The following TCF7L2 variants were observed in gnomAD, a reference collection of about 807,000 sequenced individuals.
TCF7L2 encodes the protein transcription factor 7-like 2.
A neutral mutation model predicts 77.9 loss-of-function variants in TCF7L2; 23 were observed. That is an observed-to-expected ratio of 0.30 (90% CI 0.21 to 0.42). The LOEUF is 0.42. Among genes scored for constraint, TCF7L2 ranks in the 10% least tolerant of loss-of-function variants. The pLI is 1.00. For synonymous variants in TCF7L2, 413 were observed against 340.2 expected, an observed-to-expected ratio of 1.21 and a Z score of -2.36; for missense variants, 654 against 793.1, an observed-to-expected ratio of 0.82 and a Z score of 2.11.
intron 4 of TCF7L2, among the ~76,000 whole-genome samples, chr10:112,972,888 T>C (rs1165018122): frequency 2.6e-5 from 4 of 152,236 alleles, no homozygotes; most frequent in African/African-American, 7.2e-5. Context: ...ACCTGAGATA[T>C]TTTGCCCAAG....
intron 5 of TCF7L2, among the ~76,000 whole-genome samples, chr10:113,050,482 A>G (rs2054232964): frequency 6.6e-6 from 1 of 152,114 alleles, no homozygotes; most frequent in South Asian, 2.1e-4. Flanking sequence ...GTTTCCCCCT[A>G]GCCCTTTCAG....
intron 5 of TCF7L2, among the ~76,000 whole-genome samples, chr10:113,073,503 CAAAAAAAAA>C (rs35730806): frequency 9.1e-5 from 4 of 43,966 alleles, no homozygotes; most frequent in Admixed American, 3.0e-4. Context: ...CGGTCTCTAC[CAAAAAAAAA>C]AAAAAAAAAA....
At position 113,165,872 on chromosome 10, in the gene TCF7L2, C is replaced by T. The variant is rs771172533; in HGVS notation, c.1709C>T (p.Ser570Leu). 2.6e-5 allele frequency: 42 copies of T among 1,607,500 alleles called. No individual in the cohort carries two copies. Among genetic ancestry groups the T allele is most frequent in the Non-Finnish European group, 3.1e-5 (37 of 1,175,884 alleles). The change falls in exon 14 of 14, where the codon TCA (serine) becomes TTA (leucine). Residue 570 changes from serine (S) to leucine (L), a missense_variant. This residue lies in a region of TCF7L2 where 272 missense variants were observed against 215.4 expected (regional missense o/e 1.26). Coordinates refer to ENST00000627217, the MANE Select transcript of TCF7L2 (RefSeq NM_001146274.2). ...GCTTTGCAGCCTGCCGCCCCCTCCT[C>T]ATCAATTGCACAGCCGTCGACTTCT...
intron 4 of TCF7L2, among the ~76,000 whole-genome samples, chr10:113,025,021 G>A (rs914674151): frequency 6.6e-6 from 1 of 152,112 alleles, no homozygotes; most frequent in African/African-American, 2.4e-5. Context: ...TTGAGGTCAG[G>A]TGTAGACTTT....
chr10:112,967,704 C>T (rs1038477098), intron 4 of TCF7L2, among the ~76,000 whole-genome samples: 1 of 150,168 alleles, frequency 6.7e-6, no homozygotes, highest in Non-Finnish European at 1.5e-5. Context: ...GGCGCGATCT[C>T]GGCTCACCGC....
intron 5 of TCF7L2, among the ~76,000 whole-genome samples, chr10:113,084,677 T>C (rs1236347264): frequency 1.3e-5 from 2 of 152,038 alleles, no homozygotes; most frequent in Non-Finnish European, 1.5e-5. Context: ...GGCGGATCAC[T>C]TGAGACCAGG....
chr10:112,996,918 G>A (rs1316100198), intron 4 of TCF7L2, among the ~76,000 whole-genome samples: 1 of 152,186 alleles, frequency 6.6e-6, no homozygotes, highest in Non-Finnish European at 1.5e-5. Flanking sequence ...TTAGCATTTG[G>A]CTTGGGGAGA....
chr10:113,043,901 T>C (rs938747964), intron 5 of TCF7L2, among the ~76,000 whole-genome samples: 5 of 152,180 alleles, frequency 3.3e-5, no homozygotes, highest in African/African-American at 1.2e-4. Flanking sequence ...CTCTGGTGTC[T>C]TTGCTATACA....
intron 4 of TCF7L2, among the ~76,000 whole-genome samples, chr10:113,008,541 A>G (rs1402630359): frequency 6.6e-6 from 1 of 152,186 alleles, no homozygotes; most frequent in East Asian, 1.9e-4. Context: ...GCATAACTGT[A>G]TACTACCTGT....
chr10:113,053,551 G>C (rs896961821), intron 5 of TCF7L2, among the ~76,000 whole-genome samples: 2 of 152,128 alleles, frequency 1.3e-5, no homozygotes, highest in Non-Finnish European at 2.9e-5. Flanking sequence ...CGGAGCTTTG[G>C]TTCTGCCTGA....
In TCF7L2 at chr10:113,024,568, A is replaced by T. The variant is rs568882385; in HGVS notation, c.451-15457A>T. Among the ~76,000 whole-genome samples, 3 of 149,502 alleles carry T rather than the reference A, an allele frequency of 2.0e-5. No homozygotes were observed. In the East Asian group the frequency reaches 6.0e-4, roughly 30 times the overall value. On this transcript the variant is annotated intron_variant, in intron 4 of 13. Coordinates refer to ENST00000627217, the MANE Select transcript of TCF7L2 (RefSeq NM_001146274.2). ...ATATACATAATGAGATATCCTGGGG[A>T]TGGGACCCAAATCTGAACAGGAAAT...
chr10:113,162,033 T>G (rs2073245857), intron 13 of TCF7L2, among the ~76,000 whole-genome samples: 1 of 152,210 alleles, frequency 6.6e-6, no homozygotes, highest in Non-Finnish European at 1.5e-5. Flanking sequence ...AGGAGTTTTG[T>G]GACAAAGTTG....
At chr10:113,059,761 T>A (rs1328848359) in intron 5 of TCF7L2, among the ~76,000 whole-genome samples, 2 of 152,152 alleles carry the variant, frequency 1.3e-5, no homozygotes, top group Non-Finnish European at 2.9e-5. Context: ...GCTCGGAAAT[T>A]GCTTGGAGAA....
intron 5 of TCF7L2, among the ~76,000 whole-genome samples, chr10:113,098,116 G>A (rs2135819795): frequency 6.6e-6 from 1 of 151,532 alleles, no homozygotes; most frequent in Non-Finnish European, 1.5e-5. Context: ...AGGGAAGGTA[G>A]GTCCTTTCCC....
At chr10:113,047,797 G>T (rs2053714874) in intron 5 of TCF7L2, among the ~76,000 whole-genome samples, 1 of 152,136 alleles carries the variant, frequency 6.6e-6, no homozygotes, top group African/African-American at 2.4e-5. Flanking sequence ...TGTGATTAAG[G>T]TCAGCCCACA....
intron 4 of TCF7L2, among the ~76,000 whole-genome samples, chr10:112,987,221 C>A (rs1194739781): frequency 6.6e-6 from 1 of 152,138 alleles, no homozygotes; most frequent in Non-Finnish European, 1.5e-5. Flanking sequence ...AGAGTTAGAC[C>A]TGTCTTTGAA....
intron 5 of TCF7L2, among the ~76,000 whole-genome samples, chr10:113,086,243 G>A (rs1054810384): frequency 1.1e-4 from 17 of 152,228 alleles, no homozygotes; most frequent in African/African-American, 4.1e-4. Flanking sequence ...GGTGAGGACT[G>A]CTTGAGTCTA....
intron 5 of TCF7L2, among the ~76,000 whole-genome samples, chr10:113,051,132 A>G (rs1423554408): frequency 6.6e-6 from 1 of 150,432 alleles, no homozygotes; most frequent in Non-Finnish European, 1.5e-5. Context: ...GATATTTATT[A>G]TGAGTCTTTT....
chr10:113,089,450 C>A (rs764410564), intron 5 of TCF7L2: 5 of 1,613,758 alleles, frequency 3.1e-6, no homozygotes, highest in African/African-American at 2.7e-5. Context: ...ACTTCTACCC[C>A]CCCTCAGACT....
Sources: allele counts gnomAD v4.1 joint callset (sites outside exome capture counted in the v4.1 genomes callset), GRCh38; gene constraint gnomAD v4.1.1; regional missense constraint gnomAD v4.1.1; transcripts MANE v1.5; gene names NCBI Gene and HGNC (gene_info 2026-07-23, HGNC 2026-07-21).